Variants in NTF3 observed in about 807,000 individuals in gnomAD.
NTF3 encodes neurotrophin 3, also known as neurotrophin-3.
Under a neutral mutation model 26.3 loss-of-function variants are expected in NTF3, and 8 were observed. The ratio of observed to expected loss-of-function variants is 0.30; its 90% CI spans 0.18 to 0.55. NTF3 has a LOEUF of 0.55. Ranked by LOEUF, NTF3 falls within the 20% of genes least tolerant of loss-of-function variation. NTF3 has a pLI of 0.93. For missense variants in NTF3, 276 were observed against 352.9 expected (o/e 0.78, Z 1.75); for synonymous variants, 154 against 145.5 (o/e 1.06, Z -0.42).
chr12:5,446,437 G>A (rs753833016), intron 1 of NTF3, among the ~76,000 whole-genome samples: 9 of 152,168 alleles, frequency 5.9e-5, no homozygotes, highest in Non-Finnish European at 1.0e-4. Context: ...GAAGGAAAGC[G>A]CCTATCCCCT....
At chr12:5,464,364 A>G (rs1446104627) in intron 1 of NTF3, among the ~76,000 whole-genome samples, 1 of 152,200 alleles carries the variant, frequency 6.6e-6, no homozygotes, top group African/African-American at 2.4e-5. Flanking sequence ...ACAGCCCCCA[A>G]CTTAACAGTG....
At chr12:5,432,391 G>A in intron 1 of NTF3, 49 bp downstream of exon 1, 3 of 1,599,730 alleles carry the variant, frequency 1.9e-6, no homozygotes, top group Non-Finnish European at 2.6e-6. Flanking sequence ...GGGGATGGGG[G>A]TCCACGTGGG....
intron 1 of NTF3, among the ~76,000 whole-genome samples, chr12:5,453,438 T>G (rs544575126): frequency 1.3e-5 from 2 of 152,288 alleles, no homozygotes; most frequent in South Asian, 4.1e-4. Flanking sequence ...TGCCCACATA[T>G]GCACACTTCT....
intron 1 of NTF3, among the ~76,000 whole-genome samples, chr12:5,484,587 A>G (rs1940845101): frequency 6.6e-6 from 1 of 152,180 alleles, no homozygotes; most frequent in Non-Finnish European, 1.5e-5. Context: ...TTACATTGTA[A>G]AAGGGCCAAC....
At chr12:5,440,858 A>G (rs1389035206) in intron 1 of NTF3, among the ~76,000 whole-genome samples, 1 of 152,242 alleles carries the variant, frequency 6.6e-6, no homozygotes, top group East Asian at 1.9e-4. Context: ...ATTTTCAGGT[A>G]ACCCTGCTGG....
rs574090946 is a variant in NTF3 at position 5,454,305 on chromosome 12, A to G, written c.18+21963A>G. ...GTCTCACACTGTCTTTCCTCTGTGC[A>G]TGTCTGTGTTCAGATGTCCCTTTTT... On this transcript the variant is annotated intron_variant, in intron 1 of 1. Coordinates refer to ENST00000423158, the MANE Select transcript of NTF3 (RefSeq NM_001102654.2). Among the ~76,000 whole-genome samples, 157 of 152,276 alleles carry G rather than the reference A, an allele frequency of 1.0e-3. 1 individual carries two copies. The highest frequency in any genetic ancestry group is 1.0e-3 in the Non-Finnish European group (70 of 68,028).
chr12:5,492,693 T>C (rs114273144), intron 1 of NTF3, among the ~76,000 whole-genome samples: 1 of 152,166 alleles, frequency 6.6e-6, no homozygotes, highest in South Asian at 2.1e-4. Context: ...GGTCTCCTTA[T>C]CACAGCAGCA....
intron 1 of NTF3, among the ~76,000 whole-genome samples, chr12:5,486,111 G>A (rs920207659): frequency 2.0e-5 from 3 of 152,212 alleles, no homozygotes; most frequent in Non-Finnish European, 4.4e-5. Context: ...TGTGGCAGCA[G>A]GGAGACAGGA....
At chr12:5,474,924 C>T (rs1292254121) in intron 1 of NTF3, among the ~76,000 whole-genome samples, 2 of 152,028 alleles carry the variant, frequency 1.3e-5, no homozygotes, top group East Asian at 3.9e-4. Flanking sequence ...AGAGAAAATC[C>T]GAGAGGCTGG....
intron 1 of NTF3, among the ~76,000 whole-genome samples, chr12:5,470,751 T>C (rs566356436): frequency 7.8e-4 from 119 of 152,334 alleles, no homozygotes; most frequent in Non-Finnish European, 7.3e-5. Flanking sequence ...CCAGCAGAGC[T>C]GTAAGACCAG....
chr12:5,434,472 A>AGTGTGTGTGTGTGTGTGTGTGTGT (rs59874216), intron 1 of NTF3, among the ~76,000 whole-genome samples: 1 of 142,692 alleles, frequency 7.0e-6, no homozygotes, highest in African/African-American at 2.7e-5. Context: ...GTTTTTCCAA[A>AGTGTGTGTGTGTGTGTGTGTGTGT]GTGTGTGTGT....
Position 5,470,912 on chromosome 12 carries a change from G to A in NTF3, c.19-23282G>A, listed in dbSNP as rs182702776. On this transcript the variant is annotated intron_variant, in intron 1 of 1. Coordinates refer to ENST00000423158, the MANE Select transcript of NTF3 (RefSeq NM_001102654.2). The stretch of plus-strand genomic sequence containing the variant: ...AAGTCTATTATTTTGAAATACATAT[G>A]TATGTCTCTCAGCCACTGATACACG... Among the ~76,000 whole-genome samples, 3 of 152,234 alleles carry A rather than the reference G, an allele frequency of 2.0e-5. No individual in the cohort carries two copies. The East Asian group carries it at 5.8e-4, about 29-fold the overall frequency.
At chr12:5,471,179 A>G (rs1223539556) in intron 1 of NTF3, among the ~76,000 whole-genome samples, 1 of 152,138 alleles carries the variant, frequency 6.6e-6, no homozygotes, top group Non-Finnish European at 1.5e-5. Flanking sequence ...GGTTTTTTAG[A>G]CTATTTCAAG....
intron 1 of NTF3, among the ~76,000 whole-genome samples, chr12:5,470,429 G>A (rs998814081): frequency 3.3e-5 from 5 of 152,218 alleles, no homozygotes; most frequent in African/African-American, 4.8e-5. Context: ...ACCCCCTCAC[G>A]CTGAAGTTTG....
At chr12:5,449,575 G>C (rs1030753964) in intron 1 of NTF3, among the ~76,000 whole-genome samples, 1 of 152,164 alleles carries the variant, frequency 6.6e-6, no homozygotes, top group African/African-American at 2.4e-5. Flanking sequence ...GACTTACCCG[G>C]AGTATGGACA....
At chr12:5,445,926 G>A (rs901513153) in intron 1 of NTF3, among the ~76,000 whole-genome samples, 1 of 152,178 alleles carries the variant, frequency 6.6e-6, no homozygotes, top group South Asian at 2.1e-4. Context: ...GAAATTGGAC[G>A]CTAGGAGGAT....
chr12:5,474,258 G>A (rs1443101697), intron 1 of NTF3, among the ~76,000 whole-genome samples: 1 of 152,234 alleles, frequency 6.6e-6, no homozygotes, highest in Non-Finnish European at 1.5e-5. Flanking sequence ...CATCAAAAGA[G>A]AGCATACAGT....
intron 1 of NTF3, among the ~76,000 whole-genome samples, chr12:5,439,927 A>G (rs1173313954): frequency 6.6e-6 from 1 of 152,190 alleles, no homozygotes; most frequent in East Asian, 1.9e-4. Context: ...GGCAGGGGTC[A>G]CTGCTAAAGA....
intron 1 of NTF3, among the ~76,000 whole-genome samples, chr12:5,448,639 T>C (rs1940335046): frequency 6.6e-6 from 1 of 152,150 alleles, no homozygotes. Context: ...GACTTGCTAA[T>C]GGATGAGTGG....
Sources: allele counts gnomAD v4.1 joint callset (sites outside exome capture counted in the v4.1 genomes callset), GRCh38; gene constraint gnomAD v4.1.1; transcripts MANE v1.5; gene names NCBI Gene and HGNC (gene_info 2026-07-23, HGNC 2026-07-21).